The following TENM1 variants were observed in gnomAD, a reference collection of about 807,000 sequenced individuals.
TENM1 encodes the protein teneurin transmembrane protein 1.
Under a neutral mutation model 174.8 loss-of-function variants are expected in TENM1, and 35 were observed. The observed-to-expected ratio is 0.20, with a 90% CI of 0.15 to 0.27. The LOEUF (loss-of-function observed/expected upper bound fraction) is 0.27, where lower values mean the gene tolerates loss of function less well. Ranked by LOEUF, TENM1 falls within the 10% of genes least tolerant of loss-of-function variation. The probability of loss-of-function intolerance (pLI) is 1.00; values close to 1 mark genes in which losing one functional copy is unlikely to be tolerated. For synonymous variants in TENM1, 781 were observed against 798.7 expected, an observed-to-expected ratio of 0.98 and a Z score of 0.37; for missense variants, 1,633 against 2,130.1, an observed-to-expected ratio of 0.77 and a Z score of 4.59.
At chrX:124,941,466 C>T (rs2058325132) in intron 1 of TENM1, among the ~76,000 whole-genome samples, 1 of 111,507 alleles carries the variant, frequency 9.0e-6, no homozygotes, top group East Asian at 2.8e-4. Flanking sequence ...TGTCAATTGC[C>T]TCTTCCTTTT....
chrX:125,094,343 A>G, the TENM1 span, among the ~76,000 whole-genome samples: 5 of 112,228 alleles, frequency 4.5e-5, no homozygotes, highest in East Asian at 1.1e-3. Context: ...GAGCCATGGT[A>G]CATGTATTTC....
At chrX:125,111,376 C>T in the TENM1 span, among the ~76,000 whole-genome samples, 1 of 110,740 alleles carries the variant, frequency 9.0e-6, no homozygotes, top group South Asian at 3.8e-4. Context: ...CAAGACCAGC[C>T]TGCCCAACAC....
At chrX:124,825,995 C>T (rs1027163007) in intron 3 of TENM1, among the ~76,000 whole-genome samples, 1 of 111,907 alleles carries the variant, frequency 8.9e-6, no homozygotes, top group South Asian at 3.7e-4. Context: ...TAATTTGAAA[C>T]CATATAGCAG....
At chrX:124,581,599 T>C (rs771940253) in intron 11 of TENM1, among the ~76,000 whole-genome samples, 1 of 112,504 alleles carries the variant, frequency 8.9e-6, no homozygotes, top group Non-Finnish European at 1.9e-5. Flanking sequence ...TTTTAACTTC[T>C]TTAAGAAATC....
At chrX:124,585,008 C>A (rs1394173436) in intron 11 of TENM1, among the ~76,000 whole-genome samples, 2 of 109,844 alleles carry the variant, frequency 1.8e-5, no homozygotes, top group South Asian at 4.0e-4. Context: ...TATATGCACC[C>A]AATACAGGAG....
chrX:124,802,390 G>A (rs770493942), intron 3 of TENM1, among the ~76,000 whole-genome samples: 2 of 111,300 alleles, frequency 1.8e-5, no homozygotes, highest in East Asian at 2.8e-4. Context: ...AGTTTGCTGG[G>A]GGTTCATTTC....
At chrX:124,480,483 T>C (rs1026732346) in intron 22 of TENM1, among the ~76,000 whole-genome samples, 2 of 112,227 alleles carry the variant, frequency 1.8e-5, no homozygotes, top group African/African-American at 6.5e-5. Context: ...CTCACTACAT[T>C]TATTGGCATG....
At chrX:124,731,967 T>C in intron 4 of TENM1, among the ~76,000 whole-genome samples, 1 of 111,722 alleles carries the variant, frequency 9.0e-6, no homozygotes. Context: ...TTTGTATCGA[T>C]AACTTACATA....
chrX:124,457,673 A>G (rs2061124963), intron 22 of TENM1, among the ~76,000 whole-genome samples: 1 of 111,858 alleles, frequency 8.9e-6, no homozygotes, highest in Non-Finnish European at 1.9e-5. Flanking sequence ...GGGCATCCTG[A>G]TGTAATCACT....
At chrX:124,774,245 G>A (rs2054728785) in intron 3 of TENM1, among the ~76,000 whole-genome samples, 2 of 111,686 alleles carry the variant, frequency 1.8e-5, no homozygotes, top group East Asian at 2.8e-4. Context: ...GAAACTCAAT[G>A]GAAAATAAAA....
chrX:124,448,632 T>C (rs749846720), intron 23 of TENM1, among the ~76,000 whole-genome samples: 1 of 112,182 alleles, frequency 8.9e-6, no homozygotes, highest in South Asian at 3.7e-4. Context: ...CTCACTACTC[T>C]TTCATATTCT....
the TENM1 span, among the ~76,000 whole-genome samples, chrX:125,025,940 T>C: frequency 3.6e-5 from 4 of 111,396 alleles, no homozygotes; most frequent in Non-Finnish European, 5.7e-5. Flanking sequence ...GGGAAATGTA[T>C]AACACTAAAT....
intron 25 of TENM1, among the ~76,000 whole-genome samples, chrX:124,419,477 G>A (rs748626707): frequency 2.5e-4 from 28 of 111,640 alleles, no homozygotes; most frequent in South Asian, 1.1e-3. Context: ...AATGCTTCCC[G>A]AGTGCCAAAA....
chrX:125,015,082 C>G, the TENM1 span, among the ~76,000 whole-genome samples: 2 of 111,055 alleles, frequency 1.8e-5, no homozygotes, highest in African/African-American at 6.5e-5. Context: ...TCACTACACA[C>G]AGTAAAGTGG....
intron 18 of TENM1, among the ~76,000 whole-genome samples, chrX:124,519,054 G>C (rs1299280560): frequency 8.9e-6 from 1 of 111,930 alleles, no homozygotes; most frequent in Non-Finnish European, 1.9e-5. Context: ...TAGTTAGTAT[G>C]GCAGGAGGAG....
intron 4 of TENM1, among the ~76,000 whole-genome samples, chrX:124,731,433 C>T (rs944894498): frequency 8.9e-6 from 1 of 111,865 alleles, no homozygotes; most frequent in Non-Finnish European, 1.9e-5. Context: ...AATTAAAATT[C>T]TATCCCAGAG....
intron 23 of TENM1, among the ~76,000 whole-genome samples, chrX:124,425,153 C>CA (rs1266901047): frequency 3.6e-5 from 4 of 112,100 alleles, no homozygotes; most frequent in Non-Finnish European, 7.5e-5. Flanking sequence ...TGTCGATAGA[C>CA]ACTTAGGTTG....
At chrX:124,767,608 T>G (rs1326265415) in intron 3 of TENM1, among the ~76,000 whole-genome samples, 1 of 111,603 alleles carries the variant, frequency 9.0e-6, no homozygotes, top group African/African-American at 3.2e-5. Context: ...AATGATTACA[T>G]ATTAAAATAT....
Position 124,513,262 on chromosome X carries a change from T to C in TENM1, c.3301+7255A>G, listed in dbSNP as rs189619370. 3.6e-5 allele frequency among the ~76,000 whole-genome samples: 4 copies of C among 111,219 alleles called. No homozygotes were observed. The Admixed American group carries it at 3.8e-4, about 11-fold the overall frequency. ...TTGCACGCCTTAGTTTGTGGCTCTC[T>C]TCCCTCATCTTCAAAGCCAGCAATG... On this transcript the variant is annotated intron_variant, in intron 18 of 31. Coordinates refer to ENST00000422452, the Ensembl canonical transcript of TENM1.
Sources: allele counts gnomAD v4.1 joint callset (sites outside exome capture counted in the v4.1 genomes callset), GRCh38; gene constraint gnomAD v4.1.1; transcripts MANE v1.5; gene names NCBI Gene and HGNC (gene_info 2026-07-23, HGNC 2026-07-21).